The following ATXN7L1 variants were observed in gnomAD, a reference collection of about 807,000 sequenced individuals.
ATXN7L1 encodes ataxin 7 like 1.
A neutral mutation model predicts 70.8 loss-of-function variants in ATXN7L1; 15 were observed. The ratio of observed to expected loss-of-function variants is 0.21; its 90% confidence interval spans 0.14 to 0.33. The LOEUF (loss-of-function observed/expected upper bound fraction) is 0.33, where lower values mean the gene tolerates loss of function less well. Ranked by LOEUF, ATXN7L1 falls within the 10% of genes least tolerant of loss-of-function variation. The pLI is 1.00. For missense variants in ATXN7L1, 975 were observed against 1,097.1 expected (o/e 0.89, Z 1.57); for synonymous variants, 440 against 445.1 (o/e 0.99, Z 0.14).
chr7:105,680,074 T>TAAA (rs35358930), intron 3 of ATXN7L1, among the ~76,000 whole-genome samples: 1 of 133,404 alleles, frequency 7.5e-6, no homozygotes. Flanking sequence ...TGCCTTTTAG[T>TAAA]AAAAAAAAAA....
intron 3 of ATXN7L1, among the ~76,000 whole-genome samples, chr7:105,754,391 T>C (rs1799554590): frequency 1.3e-5 from 2 of 151,848 alleles, no homozygotes; most frequent in Non-Finnish European, 2.9e-5. Flanking sequence ...TTCTTTTCTT[T>C]TCTTTCTTTC....
In ATXN7L1 at chr7:105,687,052, T is replaced by C. The variant is rs139062508; in HGVS notation, c.356-21764A>G. On this transcript the variant is annotated intron_variant, in intron 3 of 11. Transcript: ENST00000419735. Reference sequence around the variant, plus strand: ...AGACAGGTGAGCTGCCACAGTCACCTGAGAATCATCATAAGCCATATGAAA... The same window carrying C: ...AGACAGGTGAGCTGCCACAGTCACCCGAGAATCATCATAAGCCATATGAAA... 4.7e-4 allele frequency among the ~76,000 whole-genome samples: 72 copies of C among 152,348 alleles called. 1 individual carries two copies. Among genetic ancestry groups the C allele is most frequent in the African/African-American group, 1.6e-3 (67 of 41,584 alleles).
chr7:105,632,974 T>G (rs1270565489), intron 7 of ATXN7L1, among the ~76,000 whole-genome samples: 1 of 143,808 alleles, frequency 7.0e-6, no homozygotes, highest in Non-Finnish European at 1.5e-5. Context: ...TTGTGTGAAC[T>G]TTCAGAGTCC....
chr7:105,812,444 C>T (rs1808565564), intron 2 of ATXN7L1, among the ~76,000 whole-genome samples: 2 of 152,154 alleles, frequency 1.3e-5, no homozygotes, highest in Admixed American at 6.5e-5. Context: ...CTCAGACTAG[C>T]AAGATATTTG....
At chr7:105,858,746 A>G (rs1816105794) in intron 2 of ATXN7L1, among the ~76,000 whole-genome samples, 2 of 152,282 alleles carry the variant, frequency 1.3e-5, no homozygotes, top group South Asian at 2.1e-4. Flanking sequence ...TCTGAATCCA[A>G]TGATACTTAA....
chr7:105,869,606 C>A (rs554486801), intron 2 of ATXN7L1, among the ~76,000 whole-genome samples: 2 of 152,338 alleles, frequency 1.3e-5, no homozygotes, highest in East Asian at 3.9e-4. Flanking sequence ...CCCAATTCCA[C>A]CAGCATCTCA....
chr7:105,641,473 G>A (rs376392975), intron 5 of ATXN7L1, among the ~76,000 whole-genome samples: 3 of 152,158 alleles, frequency 2.0e-5, no homozygotes, highest in East Asian at 3.9e-4. Context: ...CAAAAGACCC[G>A]ACGAAACAAG....
intron 3 of ATXN7L1, among the ~76,000 whole-genome samples, chr7:105,736,008 G>A (rs1305151419): frequency 1.3e-5 from 2 of 152,148 alleles, no homozygotes; most frequent in Non-Finnish European, 2.9e-5. Flanking sequence ...CTTAAAAACT[G>A]GGGCTGAAGA....
At chr7:105,670,969 G>A (rs994054836) in intron 3 of ATXN7L1, among the ~76,000 whole-genome samples, 26 of 152,104 alleles carry the variant, frequency 1.7e-4, no homozygotes, top group African/African-American at 6.3e-4. Context: ...AGCCCGGCGA[G>A]GTGGCGGGCG....
At chr7:105,855,354 A>G (rs987529711) in intron 2 of ATXN7L1, among the ~76,000 whole-genome samples, 1 of 152,166 alleles carries the variant, frequency 6.6e-6, no homozygotes, top group Non-Finnish European at 1.5e-5. Flanking sequence ...TTCCAATAAA[A>G]CTTTATTAAA....
At chr7:105,790,606 T>TTATCTATC (rs55703123) in intron 2 of ATXN7L1, among the ~76,000 whole-genome samples, 2,670 of 133,686 alleles carry the variant, frequency 0.02, 75 homozygotes, top group East Asian at 0.041. Context: ...AAGAAAAAAA[T>TTATCTATC]TATCTATCTA....
intron 2 of ATXN7L1, among the ~76,000 whole-genome samples, chr7:105,863,165 C>G (rs1816892661): frequency 6.6e-6 from 1 of 152,216 alleles, no homozygotes. Flanking sequence ...GAAATCATCA[C>G]TCTAGATAGA....
chr7:105,845,446 T>A (rs1003743988), intron 2 of ATXN7L1, among the ~76,000 whole-genome samples: 3 of 151,966 alleles, frequency 2.0e-5, no homozygotes, highest in Non-Finnish European at 4.4e-5. Context: ...GAAGACCTAA[T>A]GTTGCTAAGA....
chr7:105,873,254 G>C (rs1818547944), intron 2 of ATXN7L1, among the ~76,000 whole-genome samples: 1 of 152,218 alleles, frequency 6.6e-6, no homozygotes, highest in African/African-American at 2.4e-5. Flanking sequence ...ACTGTATTTT[G>C]TTCATTCATT....
At chr7:105,743,475 A>T (rs1340982497) in intron 3 of ATXN7L1, among the ~76,000 whole-genome samples, 1 of 152,184 alleles carries the variant, frequency 6.6e-6, no homozygotes, top group Non-Finnish European at 1.5e-5. Flanking sequence ...TTGCATAAGG[A>T]GGCAGTTTAC....
intron 3 of ATXN7L1, among the ~76,000 whole-genome samples, chr7:105,735,719 C>T (rs1797299538): frequency 6.6e-6 from 1 of 152,166 alleles, no homozygotes; most frequent in Admixed American, 6.5e-5. Context: ...ACCATTTCAG[C>T]ACCACCCCTT....
intron 3 of ATXN7L1, among the ~76,000 whole-genome samples, chr7:105,720,849 A>T (rs552014148): frequency 5.9e-5 from 9 of 152,168 alleles, no homozygotes; most frequent in African/African-American, 2.2e-4. Flanking sequence ...TGTCCAGCAG[A>T]GCTGAGCACA....
rs1360900898 is a variant in ATXN7L1 at position 105,796,319 on chromosome 7, G to A, written c.251-7611C>T. Among the ~76,000 whole-genome samples the A allele has an allele frequency of 2.6e-5, 4 of 152,094 alleles. No individual in the cohort carries two copies. In the South Asian group the frequency reaches 6.2e-4, roughly 24 times the overall value. The stretch of plus-strand genomic sequence containing the variant: ...GGAGCTTGCAGTGAACAGAGATCGC[G>A]CCACTGTAATCCAGCCTGGCAACAC... On this transcript the variant is annotated intron_variant, in intron 2 of 11. Transcript: ENST00000419735.
chr7:105,671,543 C>G (rs1393371243), intron 3 of ATXN7L1, among the ~76,000 whole-genome samples: 3 of 152,144 alleles, frequency 2.0e-5, no homozygotes, highest in African/African-American at 7.2e-5. Context: ...AGTGAATGAT[C>G]TTCAGCCAGC....
Sources: allele counts gnomAD v4.1 joint callset (sites outside exome capture counted in the v4.1 genomes callset), GRCh38; gene constraint gnomAD v4.1.1; transcripts MANE v1.5; gene names NCBI Gene and HGNC (gene_info 2026-07-23, HGNC 2026-07-21).